Variants in GPC6 observed in about 807,000 individuals in gnomAD.
GPC6 encodes the protein glypican-6.
In GPC6, 14 loss-of-function variants were observed where a neutral mutation model predicts 55.2. The observed-to-expected ratio is 0.25, with a 90% CI of 0.17 to 0.40. The LOEUF (loss-of-function observed/expected upper bound fraction) is 0.40. Among genes scored for constraint, GPC6 ranks in the 10% least tolerant of loss-of-function variants. The pLI is 1.00. For missense variants in GPC6, 641 were observed against 708.5 expected (o/e 0.90, Z 1.08); for synonymous variants, 278 against 259.6 (o/e 1.07, Z -0.68).
chr13:93,801,309 A>T (rs189054149), intron 2 of GPC6, among the ~76,000 whole-genome samples: 1 of 152,354 alleles, frequency 6.6e-6, no homozygotes, highest in East Asian at 1.9e-4. Flanking sequence ...AGAACTAAAG[A>T]TAACAAAGAA....
chr13:93,994,536 T>C (rs1301519237), intron 3 of GPC6, among the ~76,000 whole-genome samples: 5 of 152,128 alleles, frequency 3.3e-5, no homozygotes, highest in African/African-American at 7.2e-5. Context: ...TAAAAGAAAC[T>C]TTGATTCTGT....
At chr13:94,041,786 G>A (rs977164115) in intron 4 of GPC6, among the ~76,000 whole-genome samples, 2 of 151,778 alleles carry the variant, frequency 1.3e-5, no homozygotes, top group African/African-American at 4.8e-5. Flanking sequence ...TTTACCAATT[G>A]TTATTCTTTA....
At chr13:93,694,919 A>G (rs893870431) in intron 2 of GPC6, among the ~76,000 whole-genome samples, 3 of 152,132 alleles carry the variant, frequency 2.0e-5, no homozygotes, top group African/African-American at 7.2e-5. Flanking sequence ...AATAATAAAA[A>G]AAAAATCACA....
intron 4 of GPC6, among the ~76,000 whole-genome samples, chr13:94,103,417 G>A (rs1267162693): frequency 1.3e-5 from 2 of 152,128 alleles, no homozygotes; most frequent in Admixed American, 6.6e-5. Context: ...TGGGATCACT[G>A]GGTCAAATGG....
At chr13:93,299,379 G>A (rs1251000203) in intron 1 of GPC6, among the ~76,000 whole-genome samples, 2 of 152,176 alleles carry the variant, frequency 1.3e-5, no homozygotes, top group African/African-American at 4.8e-5. Flanking sequence ...ACTTAGTGGA[G>A]GAACTAATTT....
chr13:93,759,589 T>C (rs1884891638), intron 2 of GPC6, among the ~76,000 whole-genome samples: 1 of 152,192 alleles, frequency 6.6e-6, no homozygotes, highest in Non-Finnish European at 1.5e-5. Flanking sequence ...ATTTCAGATT[T>C]AGTAAGTATG....
At position 94,241,528 on chromosome 13, in the gene GPC6, G is replaced by A. The variant is rs190830176; in HGVS notation, c.878-44821G>A. Among the ~76,000 whole-genome samples, 18 of 152,270 alleles carry A rather than the reference G, an allele frequency of 1.2e-4. No homozygotes were observed. In the East Asian group the frequency reaches 3.3e-3, roughly 28 times the overall value. ...TTCAGATGCCACATATCTGTGAGCA[G>A]AAAAATGGTAATCTTGTCATTGCAC... On this transcript the variant is annotated intron_variant, in intron 4 of 8. Transcript: ENST00000377047.
At chr13:93,513,834 G>C (rs16948894) in intron 1 of GPC6, among the ~76,000 whole-genome samples, 2,010 of 150,516 alleles carry the variant, frequency 0.013, 43 homozygotes, top group African/African-American at 0.041. Context: ...CCAAACACCA[G>C]TGGCATGAAA....
At chr13:94,271,997 A>T (rs1892043044) in intron 4 of GPC6, among the ~76,000 whole-genome samples, 1 of 152,102 alleles carries the variant, frequency 6.6e-6, no homozygotes, top group South Asian at 2.1e-4. Context: ...CTGACCCATG[A>T]TTACAGGGTC....
chr13:93,928,371 C>T (rs1380896828), intron 3 of GPC6, among the ~76,000 whole-genome samples: 4 of 152,106 alleles, frequency 2.6e-5, no homozygotes, highest in South Asian at 2.1e-4. Flanking sequence ...TTATATAAAG[C>T]ATAGCTCTTT....
chr13:93,337,659 ACAT>A, intron 1 of GPC6, among the ~76,000 whole-genome samples: 1 of 152,350 alleles, frequency 6.6e-6, no homozygotes, highest in East Asian at 1.9e-4. Flanking sequence ...GACTGAAATG[ACAT>A]CAAATACATC....
At chr13:93,749,857 G>T (rs6492677) in intron 2 of GPC6, among the ~76,000 whole-genome samples, 66,364 of 151,856 alleles carry the variant, frequency 0.44, 15,726 homozygotes, top group East Asian at 0.75. Context: ...AATTGAGATG[G>T]ATTAAAATCA....
At chr13:93,371,163 G>C (rs1251266313) in intron 1 of GPC6, among the ~76,000 whole-genome samples, 1 of 152,046 alleles carries the variant, frequency 6.6e-6, no homozygotes, top group East Asian at 1.9e-4. Flanking sequence ...TTTTCCAAAG[G>C]TCATTGGGAT....
chr13:93,856,826 A>G (rs1888632101), intron 3 of GPC6, among the ~76,000 whole-genome samples: 1 of 151,632 alleles, frequency 6.6e-6, no homozygotes, highest in South Asian at 2.1e-4. Flanking sequence ...TTGCTACATC[A>G]TTAGCTGACC....
intron 3 of GPC6, among the ~76,000 whole-genome samples, chr13:93,859,537 A>T (rs911454085): frequency 6.6e-6 from 1 of 151,714 alleles, no homozygotes; most frequent in African/African-American, 2.4e-5. Context: ...TAATTTACAG[A>T]TAAAGATTTC....
At chr13:93,319,092 C>A (rs1346832801) in intron 1 of GPC6, among the ~76,000 whole-genome samples, 1 of 151,974 alleles carries the variant, frequency 6.6e-6, no homozygotes, top group Admixed American at 6.6e-5. Flanking sequence ...ATAACTGTCC[C>A]CTCATGCATC....
intron 4 of GPC6, among the ~76,000 whole-genome samples, chr13:94,247,691 G>A (rs190717560): frequency 6.6e-6 from 1 of 152,074 alleles, no homozygotes; most frequent in Non-Finnish European, 1.5e-5. Flanking sequence ...GCATGTTTGG[G>A]GGTAAATCCT....
chr13:93,615,333 G>T (rs1461063156), intron 2 of GPC6, among the ~76,000 whole-genome samples: 1 of 152,028 alleles, frequency 6.6e-6, no homozygotes, highest in Non-Finnish European at 1.5e-5. Flanking sequence ...AAAATTACTT[G>T]ATCCTATTAA....
chr13:93,357,290 T>A (rs1323975), intron 1 of GPC6, among the ~76,000 whole-genome samples: 64,085 of 152,054 alleles, frequency 0.42, 15,322 homozygotes, highest in East Asian at 0.92. Flanking sequence ...ATTGGTGAAT[T>A]AAATTGTTCA....
Sources: allele counts gnomAD v4.1 joint callset (sites outside exome capture counted in the v4.1 genomes callset), GRCh38; gene constraint gnomAD v4.1.1; transcripts MANE v1.5; gene names NCBI Gene and HGNC (gene_info 2026-07-23, HGNC 2026-07-21).